Variants in ADGB observed in about 807,000 individuals in gnomAD.
ADGB encodes calpain-7-like protein.
A neutral mutation model predicts 210.5 loss-of-function variants in ADGB; 172 were observed. The ratio of observed to expected loss-of-function variants is 0.82; its 90% CI spans 0.72 to 0.93. The LOEUF (loss-of-function observed/expected upper bound fraction) is 0.93, where lower values mean the gene tolerates loss of function less well. Among genes scored for constraint, ADGB ranks in the 40% least tolerant of loss-of-function variants. ADGB has a pLI of 0.00. For missense variants in ADGB, 2,025 were observed against 1,964.8 expected, an observed-to-expected ratio of 1.03 and a Z score of -0.58; for synonymous variants, 658 against 662.7, an observed-to-expected ratio of 0.99 and a Z score of 0.11.
chr6:146,647,099 AAAAAAC>A lies in ADGB; in HGVS notation c.330+2240_330+2245del, dbSNP rs1775627643. Among the ~76,000 whole-genome samples the A allele has an allele frequency of 7.7e-4, 51 of 65,832 alleles. 1 individual carries two copies. The highest frequency in any genetic ancestry group is 1.5e-3 in the African/African-American group (43 of 28,674). 43.2% of individuals were successfully genotyped at this position (65,832 alleles called of 152,430 possible). A position where few individuals can be genotyped will look rare whatever the true frequency, so the allele number is the denominator to read the frequency against. Reference sequence around the variant, plus strand: ...GTGAGAGCCTGTCTCAAAAAAAAACAAAAAACAAAAAACAAAAAACAAACAAACAAA... The same window carrying A: ...GTGAGAGCCTGTCTCAAAAAAAAACAAAAAAACAAAAAACAAACAAACAAA... On this transcript the variant is annotated intron_variant, in intron 3 of 35. Transcript: ENST00000397944.
chr6:146,662,255 T>C (rs902286237), intron 5 of ADGB, among the ~76,000 whole-genome samples: 1 of 152,112 alleles, frequency 6.6e-6, no homozygotes, highest in African/African-American at 2.4e-5. Context: ...TTTTTTTCAG[T>C]GGCAACAATG....
At chr6:146,717,272 T>C (rs1194312912) in intron 15 of ADGB, among the ~76,000 whole-genome samples, 1 of 152,112 alleles carries the variant, frequency 6.6e-6, no homozygotes, top group Non-Finnish European at 1.5e-5. Flanking sequence ...AAATGGAAAA[T>C]AAATATATTG....
chr6:146,786,172 T>TTAC (rs10646288), intron 32 of ADGB, among the ~76,000 whole-genome samples: 1 of 127,512 alleles, frequency 7.8e-6, no homozygotes, highest in Admixed American at 8.0e-5. Flanking sequence ...TTAGTATATA[T>TTAC]ATATATTTAA....
chr6:146,692,780 G>T, intron 11 of ADGB, 45 bp from the exon 12 acceptor site: 3 of 1,103,104 alleles, frequency 2.7e-6, no homozygotes, highest in African/African-American at 1.6e-5. Context: ...AATCCTGAAA[G>T]ATTTTTTTAA....
intron 1 of ADGB, among the ~76,000 whole-genome samples, chr6:146,622,162 T>C (rs1486599158): frequency 1.3e-5 from 2 of 152,166 alleles, no homozygotes; most frequent in African/African-American, 4.8e-5. Flanking sequence ...TATTCATGTG[T>C]TTATTTGCCA....
At chr6:146,712,804 G>A (rs564011764) in intron 13 of ADGB, among the ~76,000 whole-genome samples, 1 of 152,166 alleles carries the variant, frequency 6.6e-6, no homozygotes, top group African/African-American at 2.4e-5. Context: ...TTTTAAGCGT[G>A]CAGTTCAGTA....
intron 35 of ADGB, chr6:146,803,618 T>C: frequency 7.4e-7 from 1 of 1,344,432 alleles, no homozygotes. Flanking sequence ...TCAGTGAAAT[T>C]AGAGATCTTT....
intron 1 of ADGB, among the ~76,000 whole-genome samples, chr6:146,617,153 T>C (rs1034907612): frequency 1.3e-5 from 2 of 152,120 alleles, no homozygotes; most frequent in Non-Finnish European, 2.9e-5. Flanking sequence ...TTTGTAGAGA[T>C]CATTCACTTC....
At chr6:146,811,043 A>G (rs545186895) in intron 35 of ADGB, among the ~76,000 whole-genome samples, 10 of 152,252 alleles carry the variant, frequency 6.6e-5, no homozygotes, top group African/African-American at 2.2e-4. Flanking sequence ...TATTTTATAC[A>G]TCTGCCCACT....
intron 26 of ADGB, among the ~76,000 whole-genome samples, chr6:146,750,288 T>A (rs1777301375): frequency 6.6e-6 from 1 of 152,118 alleles, no homozygotes. Flanking sequence ...GCCAGGTAAG[T>A]GGCTCATACC....
chr6:146,757,201 T>C (rs1777420222), intron 27 of ADGB, among the ~76,000 whole-genome samples: 1 of 152,082 alleles, frequency 6.6e-6, no homozygotes, highest in African/African-American at 2.4e-5. Context: ...ATTTGATTTA[T>C]AGTTATCATA....
intron 7 of ADGB, among the ~76,000 whole-genome samples, 180 bp from the exon 8 acceptor site, chr6:146,672,040 A>G (rs1326404827): frequency 6.6e-6 from 1 of 152,228 alleles, no homozygotes; most frequent in African/African-American, 2.4e-5. Context: ...CACAGTAGGC[A>G]CGCAATGAAA....
At chr6:146,675,023 A>G (rs73571872) in intron 8 of ADGB, among the ~76,000 whole-genome samples, 4,853 of 152,274 alleles carry the variant, frequency 0.032, 236 homozygotes, top group African/African-American at 0.11. Flanking sequence ...GGTAATATAT[A>G]TAGAAAATTC....
chr6:146,726,199 T>C lies in ADGB; in HGVS notation c.2352+2T>C. 1.3e-6 allele frequency: 2 copies of C among 1,531,702 alleles called. No homozygotes were observed. The highest frequency in any genetic ancestry group is 1.8e-6 in the Non-Finnish European group (2 of 1,129,530). 94.9% of individuals were successfully genotyped at this position (1,531,702 alleles called of 1,614,324 possible). Reference sequence around the variant, plus strand: ...GTTGTACTGCCCAACTTTGAACCAGTAAGTATTTTTGCAACAGCAAGTTAT... The same window carrying C: ...GTTGTACTGCCCAACTTTGAACCAGCAAGTATTTTTGCAACAGCAAGTTAT... On this transcript the variant is annotated splice_donor_variant, in intron 19 of 35. Transcript: ENST00000397944. LOFTEE classifies it high-confidence loss of function.
intron 33 of ADGB, among the ~76,000 whole-genome samples, chr6:146,797,969 GA>G (rs768266752): frequency 7.0e-4 from 90 of 127,780 alleles, no homozygotes; most frequent in South Asian, 9.2e-4. Flanking sequence ...ATTCAGCAGT[GA>G]AAAAAAAAAA....
intron 7 of ADGB, among the ~76,000 whole-genome samples, chr6:146,670,185 G>T (rs546724225): frequency 2.6e-5 from 4 of 152,012 alleles, no homozygotes; most frequent in Non-Finnish European, 5.9e-5. Flanking sequence ...AGTTAAGTTG[G>T]TAATCAGAAG....
At chr6:146,738,894 T>C (rs1777120757) in intron 23 of ADGB, among the ~76,000 whole-genome samples, 1 of 152,192 alleles carries the variant, frequency 6.6e-6, no homozygotes, top group Non-Finnish European at 1.5e-5. Flanking sequence ...CACCCAATTT[T>C]CTTGCAAATG....
At chr6:146,762,777 G>A (rs150439263) in intron 27 of ADGB, among the ~76,000 whole-genome samples, 7 of 152,144 alleles carry the variant, frequency 4.6e-5, no homozygotes, top group Admixed American at 3.9e-4. Context: ...CCTTTCTTGG[G>A]TCTCAACTGA....
intron 22 of ADGB, among the ~76,000 whole-genome samples, chr6:146,735,111 C>T (rs973193522): frequency 6.6e-6 from 1 of 151,834 alleles, no homozygotes; most frequent in Non-Finnish European, 1.5e-5. Flanking sequence ...ACGTCAGATA[C>T]ACAATGGTTT....
Sources: allele counts gnomAD v4.1 joint callset (sites outside exome capture counted in the v4.1 genomes callset), GRCh38; gene constraint gnomAD v4.1.1; transcripts MANE v1.5; gene names NCBI Gene and HGNC (gene_info 2026-07-23, HGNC 2026-07-21).